MAST4: variants seen among roughly 807,000 people sequenced by gnomAD.
The protein encoded by MAST4 is microtubule-associated serine/threonine-protein kinase 4.
MAST4 carries 89 observed loss-of-function variants against 162.7 expected under a neutral mutation model. The ratio of observed to expected loss-of-function variants is 0.55; its 90% CI spans 0.46 to 0.65. MAST4 has a LOEUF of 0.65. Ranked by LOEUF, MAST4 falls within the 30% of genes least tolerant of loss-of-function variation. MAST4 has a pLI of 0.00. For synonymous variants in MAST4, 1,479 were observed against 1,361.1 expected (o/e 1.09, Z -1.91); for missense variants, 3,153 against 3,374.0 (o/e 0.93, Z 1.62).
At chr5:66,935,221 C>T (rs1687097295) in intron 4 of MAST4, among the ~76,000 whole-genome samples, 1 of 152,210 alleles carries the variant, frequency 6.6e-6, no homozygotes, top group African/African-American at 2.4e-5. Flanking sequence ...ATTCATTTAA[C>T]ATGCAGAGAA....
At chr5:67,080,947 T>C (rs1419899275) in intron 5 of MAST4, among the ~76,000 whole-genome samples, 1 of 138,934 alleles carries the variant, frequency 7.2e-6, no homozygotes, top group African/African-American at 2.6e-5. Flanking sequence ...ATATATTATA[T>C]AATATAATAT....
At chr5:66,864,992 A>AC (rs1210679874) in intron 3 of MAST4, among the ~76,000 whole-genome samples, 1 of 36,614 alleles carries the variant, frequency 2.7e-5, no homozygotes, top group Non-Finnish European at 9.2e-5. Context: ...GGCATTAGAC[A>AC]TGGGGCAGTG....
intron 4 of MAST4, among the ~76,000 whole-genome samples, chr5:67,028,499 G>C (rs1754941288): frequency 6.6e-6 from 1 of 152,094 alleles, no homozygotes; most frequent in African/African-American, 2.4e-5. Flanking sequence ...AGCATCACGG[G>C]CTTCTGGGGC....
chr5:66,613,041 G>C (rs770642149), intron 1 of MAST4, among the ~76,000 whole-genome samples: 1 of 152,016 alleles, frequency 6.6e-6, no homozygotes, highest in Admixed American at 6.5e-5. Context: ...TCTTTAAAAA[G>C]ATTTGTATCT....
intron 1 of MAST4, among the ~76,000 whole-genome samples, chr5:66,715,675 ATAAAATAAAAAT>A (rs1256195538): frequency 7.2e-5 from 6 of 83,424 alleles, no homozygotes; most frequent in Admixed American, 1.8e-4. Flanking sequence ...TATAATAATA[ATAAAATAAAAAT>A]TAAAAAAAAA....
chr5:66,744,430 G>C (rs1284197449), intron 1 of MAST4, among the ~76,000 whole-genome samples: 1 of 152,322 alleles, frequency 6.6e-6, no homozygotes, highest in South Asian at 2.1e-4. Flanking sequence ...TCCAGTTAAA[G>C]AGCTTAAACG....
intron 3 of MAST4, among the ~76,000 whole-genome samples, chr5:66,872,986 A>G (rs551071880): frequency 1.7e-3 from 264 of 152,346 alleles, no homozygotes; most frequent in African/African-American, 6.1e-3. Context: ...ATAGTACACT[A>G]TAAATTAGCT....
chr5:66,833,718 C>A (rs1483436487), intron 3 of MAST4, among the ~76,000 whole-genome samples: 1 of 152,170 alleles, frequency 6.6e-6, no homozygotes, highest in East Asian at 1.9e-4. Flanking sequence ...ATATTCACTG[C>A]ATTCTGTTCT....
At chr5:66,861,945 A>G (rs1372947033) in intron 3 of MAST4, among the ~76,000 whole-genome samples, 2 of 152,320 alleles carry the variant, frequency 1.3e-5, no homozygotes, top group East Asian at 3.9e-4. Flanking sequence ...TGTTTCACAT[A>G]GGAACCTGTG....
At chr5:67,010,300 A>G (rs1752517483) in intron 4 of MAST4, among the ~76,000 whole-genome samples, 1 of 152,256 alleles carries the variant, frequency 6.6e-6, no homozygotes, top group South Asian at 2.1e-4. Context: ...GCTGTAAGCA[A>G]GAGCCGAGAT....
At chr5:67,125,965 T>A (rs1768180151) in intron 14 of MAST4, among the ~76,000 whole-genome samples, 1 of 152,236 alleles carries the variant, frequency 6.6e-6, no homozygotes, top group African/African-American at 2.4e-5. Flanking sequence ...AGAGATGGTA[T>A]CTCATTGTGC....
At chr5:67,090,011 A>G (rs1294257761) in intron 5 of MAST4, 151 bp from the exon 6 acceptor site, 1 of 474,768 alleles carries the variant, frequency 2.1e-6, no homozygotes, top group Non-Finnish European at 3.8e-6. Flanking sequence ...CGCCCACCCC[A>G]CCATCCCTGG....
chr5:67,044,541 G>A (rs1757141048), intron 4 of MAST4, among the ~76,000 whole-genome samples: 1 of 151,986 alleles, frequency 6.6e-6, no homozygotes, highest in African/African-American at 2.4e-5. Flanking sequence ...ATTAGAGAGG[G>A]TCTTGCTCTA....
At chr5:66,880,260 ATTTGCTCATAT>A (rs944573243) in intron 3 of MAST4, among the ~76,000 whole-genome samples, 20 of 152,320 alleles carry the variant, frequency 1.3e-4, no homozygotes, top group African/African-American at 4.8e-4. Context: ...GATATTACAT[ATTTGCTCATAT>A]TTTGCTCATA....
intron 1 of MAST4, among the ~76,000 whole-genome samples, chr5:66,731,957 G>A (rs147823039): frequency 1.8e-4 from 28 of 152,032 alleles, no homozygotes; most frequent in Admixed American, 5.9e-4. Flanking sequence ...CTTCAGGTAG[G>A]CAGGAAGACT....
intron 1 of MAST4, among the ~76,000 whole-genome samples, chr5:66,703,823 T>C (rs182887360): frequency 3.9e-5 from 6 of 152,200 alleles, no homozygotes; most frequent in Admixed American, 3.3e-4. Flanking sequence ...CTGCTCCAGT[T>C]TGATCTCTTT....
rs369084293 is a variant in MAST4, at chr5:67,164,582, C to T, written c.5403C>T (p.Ile1801=). The T allele has an allele frequency of 2.5e-6, 4 of 1,613,878 alleles. No homozygotes were observed. In the African/African-American group the frequency reaches 4.0e-5, roughly 16 times the overall value. Residue 1801 remains isoleucine (I), a synonymous_variant, in exon 29 of 29, where the codon ATC becomes ATT. Coordinates refer to ENST00000403625, the MANE Select transcript of MAST4 (RefSeq NM_001164664.2). This position sits in a 1 kb window ranked among gnomAD's most constrained non-coding sequence, Gnocchi z 5.3. The stretch of plus-strand genomic sequence containing the variant: ...GGTCTGTCTCATGCCTGAAGCCGAT[C>T]GAGGGCACTCTGGACATTGCTCTCC... ...EGRSVSCLKP[I]EGTLDIALLS... is the part of the protein sequence containing the mutation.
chr5:66,618,541 C>T (rs945890871), intron 1 of MAST4, among the ~76,000 whole-genome samples: 2 of 152,126 alleles, frequency 1.3e-5, no homozygotes, highest in African/African-American at 4.8e-5. Context: ...TTTATGTCAC[C>T]ACCCCAGCCT....
intron 1 of MAST4, among the ~76,000 whole-genome samples, chr5:66,688,643 T>G (rs1271643214): frequency 6.6e-6 from 1 of 152,222 alleles, no homozygotes; most frequent in East Asian, 1.9e-4. Context: ...GAGTGCTATC[T>G]TTTTCAGTAC....
Sources: allele counts gnomAD v4.1 joint callset (sites outside exome capture counted in the v4.1 genomes callset), GRCh38; gene constraint gnomAD v4.1.1; non-coding constraint Gnocchi (gnomAD v3.1); transcripts MANE v1.5; gene names NCBI Gene and HGNC (gene_info 2026-07-23, HGNC 2026-07-21).